SHISA6: variants seen among roughly 807,000 people sequenced by gnomAD.
The protein encoded by SHISA6 is shisa family member 6.
In SHISA6, 22 loss-of-function variants were observed where a neutral mutation model predicts 47.9. The observed-to-expected ratio is 0.46, with a 90% CI of 0.33 to 0.66. The LOEUF (loss-of-function observed/expected upper bound fraction) is 0.66, where lower values mean the gene tolerates loss of function less well. Among genes scored for constraint, SHISA6 ranks in the 30% least tolerant of loss-of-function variants. The probability of loss-of-function intolerance (pLI) is 0.02; values close to 1 mark genes in which losing one functional copy is unlikely to be tolerated. For synonymous variants in SHISA6, 388 were observed against 337.8 expected (o/e 1.15, Z -1.63); for missense variants, 680 against 764.6 (o/e 0.89, Z 1.30).
chr17:11,491,461 A>C (rs1006528257), intron 3 of SHISA6, among the ~76,000 whole-genome samples: 2 of 151,980 alleles, frequency 1.3e-5, no homozygotes, highest in Non-Finnish European at 2.9e-5. Flanking sequence ...TCACCATGCC[A>C]GCTAACTTTT....
At chr17:11,384,053 A>G (rs1242393444) in intron 3 of SHISA6, among the ~76,000 whole-genome samples, 2 of 152,326 alleles carry the variant, frequency 1.3e-5, no homozygotes, top group Middle Eastern at 3.4e-3. Flanking sequence ...GTGTGCCAGT[A>G]TCTTCCCCTT....
chr17:11,518,218 T>C (rs2071601045), intron 3 of SHISA6, among the ~76,000 whole-genome samples: 2 of 152,146 alleles, frequency 1.3e-5, no homozygotes, highest in African/African-American at 4.8e-5. Flanking sequence ...TTGTGCCTTA[T>C]TTTCTTCTTT....
intron 3 of SHISA6, among the ~76,000 whole-genome samples, chr17:11,424,000 T>A (rs1914532582): frequency 1.3e-5 from 2 of 152,156 alleles, no homozygotes; most frequent in Non-Finnish European, 2.9e-5. Context: ...GGAAATTAGA[T>A]TGCAAAGCAG....
chr17:11,408,273 A>G (rs944229907), intron 3 of SHISA6, among the ~76,000 whole-genome samples: 6 of 152,226 alleles, frequency 3.9e-5, no homozygotes, highest in African/African-American at 1.4e-4. Context: ...AGTATCTCTA[A>G]AGCAGTGGTT....
intron 4 of SHISA6, among the ~76,000 whole-genome samples, chr17:11,552,884 G>A (rs1445321509): frequency 6.6e-6 from 1 of 152,202 alleles, no homozygotes; most frequent in South Asian, 2.1e-4. Flanking sequence ...GAGAAACTGG[G>A]GAGATCAGTG....
chr17:11,485,998 T>C (rs1567618493), intron 3 of SHISA6, among the ~76,000 whole-genome samples: 1 of 152,150 alleles, frequency 6.6e-6, no homozygotes, highest in Non-Finnish European at 1.5e-5. Context: ...GTCCTGTTCT[T>C]CAGGTTGGGA....
At chr17:11,526,381 G>A (rs750486595) in intron 3 of SHISA6, among the ~76,000 whole-genome samples, 39 of 152,208 alleles carry the variant, frequency 2.6e-4, no homozygotes, top group Non-Finnish European at 5.3e-4. Flanking sequence ...TAGTTTGACA[G>A]CAGACCTGAG....
At chr17:11,277,280 T>TCTCTCTCA (rs1386997909) in intron 2 of SHISA6, among the ~76,000 whole-genome samples, 416 of 53,818 alleles carry the variant, frequency 7.7e-3, no homozygotes, top group African/African-American at 0.012. Flanking sequence ...TCTCTCTCTC[T>TCTCTCTCA]CACACACACA....
chr17:11,273,761 G>C (rs990810600), intron 2 of SHISA6, among the ~76,000 whole-genome samples: 6 of 152,162 alleles, frequency 3.9e-5, no homozygotes, highest in African/African-American at 1.4e-4. Flanking sequence ...TCGATGTCAG[G>C]GTGTGGTCTG....
intron 1 of SHISA6, among the ~76,000 whole-genome samples, chr17:11,252,500 G>A (rs1299876035): frequency 1.3e-5 from 2 of 152,124 alleles, no homozygotes; most frequent in Non-Finnish European, 2.9e-5. Flanking sequence ...GGAGGGAGGG[G>A]GTGGCTGTTA....
At chr17:11,388,824 A>T (rs1913288755) in intron 3 of SHISA6, among the ~76,000 whole-genome samples, 1 of 104,562 alleles carries the variant, frequency 9.6e-6, no homozygotes, top group African/African-American at 4.1e-5. Flanking sequence ...ATATATATAT[A>T]TATATATATA....
In SHISA6 at chr17:11,439,268, G is replaced by A. The variant is rs139565297; in HGVS notation, c.895+59759G>A. Among the ~76,000 whole-genome samples, 664 of 152,280 alleles carry A rather than the reference G, an allele frequency of 4.4e-3. 6 individuals carry two copies. Among genetic ancestry groups the A allele is most frequent in the African/African-American group, 0.015 (628 of 41,556 alleles). On this transcript the variant is annotated intron_variant, in intron 3 of 5. Transcript: ENST00000441885. ...ATGCATAGATGCGGTCAAGGGGGTCGGAGGACTCTGGGTGGGTCATCAGTA... is the reference window on the plus strand; with the variant it reads ...ATGCATAGATGCGGTCAAGGGGGTCAGAGGACTCTGGGTGGGTCATCAGTA...
chr17:11,349,023 G>T (rs1475258571), intron 2 of SHISA6, among the ~76,000 whole-genome samples: 1 of 152,154 alleles, frequency 6.6e-6, no homozygotes, highest in African/African-American at 2.4e-5. Context: ...CATAAAAAAG[G>T]AGCTCTGCAC....
intron 3 of SHISA6, among the ~76,000 whole-genome samples, chr17:11,508,378 A>G (rs2071517799): frequency 1.1e-5 from 1 of 88,586 alleles, no homozygotes; most frequent in Non-Finnish European, 2.5e-5. Flanking sequence ...TCCAATGTCA[A>G]GCCCCTTTAT....
chr17:11,320,227 G>C (rs1454152993), intron 2 of SHISA6, among the ~76,000 whole-genome samples: 1 of 152,172 alleles, frequency 6.6e-6, no homozygotes, highest in South Asian at 2.1e-4. Flanking sequence ...ACTCTTTTGG[G>C]TACATTGTAG....
chr17:11,471,210 G>GAA (rs10699970), intron 3 of SHISA6, among the ~76,000 whole-genome samples: 14,150 of 97,620 alleles, frequency 0.14, 1,980 homozygotes, highest in African/African-American at 0.35. Context: ...CTCCATCTCA[G>GAA]AAAAAAAAAA....
intron 2 of SHISA6, among the ~76,000 whole-genome samples, chr17:11,277,335 A>G (rs559009269): frequency 6.7e-6 from 1 of 149,090 alleles, no homozygotes; most frequent in South Asian, 2.2e-4. Context: ...ATGTACGTAT[A>G]CAGACTTTCT....
At chr17:11,372,273 A>G (rs950111172) in intron 2 of SHISA6, among the ~76,000 whole-genome samples, 1 of 152,180 alleles carries the variant, frequency 6.6e-6, no homozygotes, top group African/African-American at 2.4e-5. Context: ...TTTTGAGGGC[A>G]TGTATGTAAG....
chr17:11,331,242 A>T (rs1911098312), intron 2 of SHISA6, among the ~76,000 whole-genome samples: 1 of 152,182 alleles, frequency 6.6e-6, no homozygotes, highest in Non-Finnish European at 1.5e-5. Context: ...TTGACTCTGT[A>T]ACTGAACATA....
Sources: allele counts gnomAD v4.1 joint callset (sites outside exome capture counted in the v4.1 genomes callset), GRCh38; gene constraint gnomAD v4.1.1; transcripts MANE v1.5; gene names NCBI Gene and HGNC (gene_info 2026-07-23, HGNC 2026-07-21).